The following UCP3 variants were observed in gnomAD, a reference collection of about 807,000 sequenced individuals.
UCP3 encodes uncoupling protein 3.
UCP3 carries 24 observed loss-of-function variants against 28.1 expected under a neutral mutation model. The ratio of observed to expected loss-of-function variants is 0.85; its 90% CI spans 0.62 to 1.20. The LOEUF is 1.20. Among genes scored for constraint, UCP3 ranks in the 50% most tolerant of loss-of-function variants. UCP3 has a pLI of 0.00. For synonymous variants in UCP3, 184 were observed against 171.2 expected (o/e 1.07, Z -0.59); for missense variants, 397 against 422.2 (o/e 0.94, Z 0.52).
rs772031012 is a variant in UCP3, at chr11:74,001,394, G to C, written c.*18C>G. 6.2e-7 allele frequency: 1 copy of C among 1,613,242 alleles called. No individual in the cohort carries two copies. The highest frequency in any genetic ancestry group is 1.7e-5 in the Admixed American group (1 of 60,020). On this transcript the variant is annotated 3_prime_UTR_variant, in exon 7 of 7. Transcript: ENST00000314032. ...CTGGTTTCGGACACGTTAGCTACCA[G>C]TGGCCTTCTTGTCTTGTTCAAAACG...
chr11:74,001,091 C>CTTCCATTTTG lies in UCP3; in HGVS notation c.*320_*321insCAAAATGGAA. On this transcript the variant is annotated 3_prime_UTR_variant, in exon 7 of 7. Coordinates refer to ENST00000314032, the MANE Select transcript of UCP3 (RefSeq NM_003356.4). ...AACCAGATTTCACGGGGATACACGT[C>CTTCCATTTTG]TCCAACCTTCCATTTTGTCCAAATG... 2.7e-6 allele frequency: 1 copy of CTTCCATTTTG among 369,312 alleles called. No individual in the cohort carries two copies. Among genetic ancestry groups the CTTCCATTTTG allele is most frequent in the South Asian group, 3.2e-5 (1 of 30,926 alleles). The allele number at this position is 369,312 out of a possible 1,614,324, so 22.9% of individuals were successfully genotyped here. A position where few individuals can be genotyped will look rare whatever the true frequency, so the allele number is the denominator to read the frequency against.
Position 74,001,534 on chromosome 11 carries a change from G to A in UCP3, c.825-8C>T, listed in dbSNP as rs1951621812. 1 of 1,613,748 alleles carries A rather than the reference G, an allele frequency of 6.2e-7. No homozygotes were observed. On this transcript the variant is annotated splice_region_variant and splice_polypyrimidine_tract_variant and intron_variant, in intron 6 of 6. Coordinates refer to ENST00000314032, the MANE Select transcript of UCP3 (RefSeq NM_003356.4). ...AAAAAGGAGGGTGTAAATCTGATAA[G>A]AAAAACAACCAACACATCAGGTGGA...
At position 74,004,527 on chromosome 11, in the gene UCP3, G is replaced by A. The variant is rs765857744; in HGVS notation, c.600C>T (p.Tyr200=). 17 of 1,613,982 alleles carry A rather than the reference G, an allele frequency of 1.1e-5. No homozygotes were observed. The highest frequency in any genetic ancestry group is 8.9e-5 in the East Asian group (4 of 44,884). Residue 200 remains tyrosine, a synonymous_variant, in exon 5 of 7, where the codon TAC becomes TAT. Coordinates refer to ENST00000314032, the MANE Select transcript of UCP3 (RefSeq NM_003356.4). ...AIVNCAEVVT[Y]DILKEKLLDY... Reference sequence around the variant, plus strand: ...CCAGCAGCTTCTCCTTGAGGATGTCGTAGGTCACCACCTCAGCACAGTTGA... The same window carrying A: ...CCAGCAGCTTCTCCTTGAGGATGTCATAGGTCACCACCTCAGCACAGTTGA...
rs772798840 is a variant in UCP3 at position 74,004,027 on chromosome 11, A to C, written c.644-20T>G. 6.2e-7 allele frequency: 1 copy of C among 1,613,340 alleles called. No individual in the cohort carries two copies. The highest frequency in any genetic ancestry group is 8.5e-7 in the Non-Finnish European group (1 of 1,179,806). On this transcript the variant is annotated intron_variant, in intron 5 of 6. Coordinates refer to ENST00000314032, the MANE Select transcript of UCP3 (RefSeq NM_003356.4). ...AGTTGTCTGCAGAGGAAGGACAAGC[A>C]AATATCAAGGAGTGCATTTGTGTTC... is the stretch of plus-strand genomic sequence containing the variant.
chr11:74,001,804 T>G, intron 6 of UCP3: 2 of 410,756 alleles, frequency 4.9e-6, no homozygotes, highest in South Asian at 2.4e-5. Flanking sequence ...GCCATGTTGC[T>G]GCCAGGCTCT....
chr11:74,006,915 A>G lies in UCP3; in HGVS notation c.126+2T>C, dbSNP rs763087706. The G allele has an allele frequency of 1.9e-5, 31 of 1,614,034 alleles. No homozygotes were observed. Among genetic ancestry groups the G allele is most frequent in the Non-Finnish European group, 2.6e-5 (31 of 1,180,030 alleles). ...AATGACCCTTGGCCAAAGGGCACCTACCTGCAGGCGGACCTTGGCTGTGTC... is the reference window on the plus strand; with the variant it reads ...AATGACCCTTGGCCAAAGGGCACCTGCCTGCAGGCGGACCTTGGCTGTGTC... On this transcript the variant is annotated splice_donor_variant, in intron 2 of 6. Transcript: ENST00000314032. LOFTEE classifies it high-confidence loss of function.
At chr11:74,008,272 G>A (rs1951681585) in intron 1 of UCP3, among the ~76,000 whole-genome samples, 1 of 152,124 alleles carries the variant, frequency 6.6e-6, no homozygotes, top group African/African-American at 2.4e-5. Flanking sequence ...AGGATCCCTT[G>A]AGCTGCTTGT....
intron 6 of UCP3, chr11:74,003,543 C>A: frequency 8.8e-7 from 1 of 1,139,870 alleles, no homozygotes; most frequent in Non-Finnish European, 1.1e-6. Context: ...ATGGCCATGG[C>A]AGGAGGTCCA....
At chr11:74,006,127 C>T (rs1190518794) in intron 3 of UCP3, 42 bp downstream of exon 3, 2 of 1,610,476 alleles carry the variant, frequency 1.2e-6, no homozygotes, top group South Asian at 2.2e-5. Flanking sequence ...GACCCACACA[C>T]TTTCAGCCAC....
rs747328082 is a variant in UCP3 at position 74,005,737 on chromosome 11, C to A, written c.534G>T (p.Leu178=). The change falls in exon 4 of 7, where the codon CTG becomes CTT. Residue 178 remains leucine, a synonymous_variant. Coordinates refer to ENST00000314032, the MANE Select transcript of UCP3 (RefSeq NM_003356.4). ...TIAREEGVRG[L]WKGTLPNIMR... ...TCCAGAGTCCAGACCTACCTTTCCA[C>A]AGGCCCCTGACTCCTTCCTCCCTGG... is the stretch of plus-strand genomic sequence containing the variant. 6.2e-7 allele frequency: 1 copy of A among 1,614,150 alleles called. No homozygotes were observed. The highest frequency in any genetic ancestry group is 8.5e-7 in the Non-Finnish European group (1 of 1,180,022).
chr11:74,004,333 C>T (rs927433635), intron 5 of UCP3, 151 bp downstream of exon 5: 8 of 762,516 alleles, frequency 1.0e-5, no homozygotes, highest in African/African-American at 3.5e-5. Context: ...TCCTGCTTGT[C>T]ACCACAATGT....
intron 6 of UCP3, chr11:74,002,830 C>T (rs1394344703): frequency 1.0e-6 from 1 of 985,458 alleles, no homozygotes; most frequent in African/African-American, 1.7e-5. Context: ...CTCTTGTTCA[C>T]TTGTTGGGTC....
chr11:74,006,841 C>T (rs1461693166), intron 2 of UCP3, 76 bp downstream of exon 2: 46 of 1,610,112 alleles, frequency 2.9e-5, no homozygotes, highest in Non-Finnish European at 3.8e-5. Flanking sequence ...CATGTGGGCA[C>T]ACGTCATGGG....
rs1951641101 is a variant in UCP3 at position 74,004,019 on chromosome 11, G to A, written c.644-12C>T. 1.2e-6 allele frequency: 2 copies of A among 1,613,526 alleles called. No individual in the cohort carries two copies. Among genetic ancestry groups the A allele is most frequent in the African/African-American group, 2.7e-5 (2 of 74,944 alleles). On this transcript the variant is annotated splice_polypyrimidine_tract_variant and intron_variant, in intron 5 of 6. Coordinates refer to ENST00000314032, the MANE Select transcript of UCP3 (RefSeq NM_003356.4). Reference sequence around the variant, plus strand: ...GCAGGGGAAGTTGTCTGCAGAGGAAGGACAAGCAAATATCAAGGAGTGCAT... The same window carrying A: ...GCAGGGGAAGTTGTCTGCAGAGGAAAGACAAGCAAATATCAAGGAGTGCAT...
intron 4 of UCP3, among the ~76,000 whole-genome samples, chr11:74,005,475 T>A (rs1206544222): frequency 1.3e-5 from 2 of 152,240 alleles, no homozygotes; most frequent in East Asian, 1.9e-4. Flanking sequence ...GCTGTCCTCA[T>A]GCCCTGGGCG....
chr11:74,001,725 GA>G (rs11412246), intron 6 of UCP3, 199 bp from the exon 7 acceptor site: 31 of 555,282 alleles, frequency 5.6e-5, no homozygotes, highest in South Asian at 1.1e-4. Flanking sequence ...GTAAGGAAAA[GA>G]AAAAAAAACT....
chr11:74,001,675 C>A (rs938155521), intron 6 of UCP3, 149 bp from the exon 7 acceptor site: 1 of 607,034 alleles, frequency 1.6e-6, no homozygotes, highest in Admixed American at 2.9e-5. Context: ...CTCTCTCTCT[C>A]TTTTTTTTTT....
In UCP3 at chr11:74,001,156, CATGCCT is replaced by C; in HGVS notation, c.*250_*255del. On this transcript the variant is annotated 3_prime_UTR_variant, in exon 7 of 7. Coordinates refer to ENST00000314032, the MANE Select transcript of UCP3 (RefSeq NM_003356.4). ...TATTTTCTCTTGCCTAAATATTAGG[CATGCCT>C]AATGGGTTTCAAAAATTAATATAAT... 9.9e-6 allele frequency: 5 copies of C among 506,984 alleles called. No individual in the cohort carries two copies. The South Asian group carries it at 1.2e-4, about 12-fold the overall frequency. 31.4% of individuals were successfully genotyped at this position (506,984 alleles called of 1,614,324 possible).
Position 74,001,340 on chromosome 11 carries a change from G to T in UCP3, c.*72C>A. Reference sequence around the variant, plus strand: ...TGTGTGGGTCTGTGTCCATGTGTGCGTGGATGCACCGTTTTCTTCCATTCT... The same window carrying T: ...TGTGTGGGTCTGTGTCCATGTGTGCTTGGATGCACCGTTTTCTTCCATTCT... On this transcript the variant is annotated 3_prime_UTR_variant, in exon 7 of 7. Transcript: ENST00000314032. 1 of 1,407,652 alleles carries T rather than the reference G, an allele frequency of 7.1e-7. No homozygotes were observed. The highest frequency in any genetic ancestry group is 1.0e-6 in the Non-Finnish European group (1 of 995,880). 87.2% of individuals were successfully genotyped at this position (1,407,652 alleles called of 1,614,324 possible). A position where few individuals can be genotyped will look rare whatever the true frequency, so the allele number is the denominator to read the frequency against.
Sources: gnomAD v4.1 joint callset for allele counts (sites outside exome capture counted in the v4.1 genomes callset) on GRCh38, gnomAD v4.1.1 for gene constraint, MANE v1.5 for transcripts, NCBI Gene and HGNC (gene_info 2026-07-23, HGNC 2026-07-21) for gene names.